The following SUGCT variants were observed in gnomAD, a reference collection of about 807,000 sequenced individuals.
The protein encoded by SUGCT is succinyl-CoA:glutarate CoA-transferase.
SUGCT carries 41 observed loss-of-function variants against 55.0 expected under a neutral mutation model. The ratio of observed to expected loss-of-function variants is 0.74; its 90% CI spans 0.58 to 0.97. SUGCT has a LOEUF of 0.97. SUGCT is among the 50% of genes least tolerant of loss of function. SUGCT has a pLI of 0.00. For missense variants in SUGCT, 568 were observed against 547.8 expected, an observed-to-expected ratio of 1.04 and a Z score of -0.37; for synonymous variants, 187 against 200.4, an observed-to-expected ratio of 0.93 and a Z score of 0.56.
At chr7:40,809,848 C>T (rs1196827568) in intron 13 of SUGCT, among the ~76,000 whole-genome samples, 3 of 152,050 alleles carry the variant, frequency 2.0e-5, no homozygotes, top group Non-Finnish European at 2.9e-5. Flanking sequence ...ATGTTTGGCT[C>T]CCACTTATTT....
chr7:40,476,355 A>T (rs973680733), intron 11 of SUGCT, among the ~76,000 whole-genome samples: 1 of 152,166 alleles, frequency 6.6e-6, no homozygotes, highest in Non-Finnish European at 1.5e-5. Flanking sequence ...CATACTCTCT[A>T]TTAAGCCATG....
At chr7:40,529,574 G>A (rs905371533) in intron 12 of SUGCT, among the ~76,000 whole-genome samples, 4 of 152,218 alleles carry the variant, frequency 2.6e-5, no homozygotes, top group African/African-American at 9.6e-5. Flanking sequence ...TTCAGCAAAA[G>A]CCCTGAGAAC....
chr7:40,725,145 A>AT lies in SUGCT; in HGVS notation c.1090-24289_1090-24288insT, dbSNP rs202086084. 8.9e-3 allele frequency among the ~76,000 whole-genome samples: 1,351 copies of AT among 152,228 alleles called. 14 individuals carry two copies. The highest frequency in any genetic ancestry group is 0.031 in the African/African-American group (1,271 of 41,532). On this transcript the variant is annotated intron_variant, in intron 12 of 13. Transcript: ENST00000335693. ...ACTTAACACATATGGTAGTGTTCTC[A>AT]AGCGGTTATAGAATGTAGAATTTTG...
chr7:40,282,386 T>C (rs1754755112), intron 8 of SUGCT, among the ~76,000 whole-genome samples: 1 of 152,002 alleles, frequency 6.6e-6, no homozygotes, highest in South Asian at 2.1e-4. Context: ...AAGAATCGCT[T>C]GAACCCGGGA....
intron 12 of SUGCT, among the ~76,000 whole-genome samples, chr7:40,595,216 TCC>T (rs1309603870): frequency 6.6e-6 from 1 of 152,196 alleles, no homozygotes; most frequent in Non-Finnish European, 1.5e-5. Flanking sequence ...GCCCCCCACT[TCC>T]TCGGCAGAAG....
the SUGCT span, among the ~76,000 whole-genome samples, chr7:41,004,640 A>C: frequency 6.6e-6 from 1 of 152,220 alleles, no homozygotes; most frequent in Non-Finnish European, 1.5e-5. Flanking sequence ...CAGGCTATGG[A>C]AGACAAGAGC....
chr7:40,765,053 G>A (rs771198444), intron 13 of SUGCT, among the ~76,000 whole-genome samples: 2 of 152,156 alleles, frequency 1.3e-5, no homozygotes, highest in Non-Finnish European at 2.9e-5. Context: ...CTCAGAATGT[G>A]TAAGTGACAG....
intron 7 of SUGCT, among the ~76,000 whole-genome samples, chr7:40,257,462 T>C (rs778225637): frequency 6.6e-5 from 10 of 152,144 alleles, no homozygotes; most frequent in African/African-American, 1.4e-4. Context: ...ATCAACAAAC[T>C]GAAAACATTT....
chr7:40,953,887 T>C, the SUGCT span, among the ~76,000 whole-genome samples: 1 of 152,238 alleles, frequency 6.6e-6, no homozygotes, highest in Non-Finnish European at 1.5e-5. Context: ...CCAGTTAGGC[T>C]ACTCGGGGGT....
the SUGCT span, among the ~76,000 whole-genome samples, chr7:40,904,764 A>G: frequency 5.3e-5 from 8 of 152,124 alleles, no homozygotes; most frequent in African/African-American, 1.9e-4. Flanking sequence ...GAGGATGGAG[A>G]TTTAGGTTTA....
chr7:40,411,002 A>G (rs888391889), intron 9 of SUGCT, among the ~76,000 whole-genome samples: 1 of 152,152 alleles, frequency 6.6e-6, no homozygotes, highest in African/African-American at 2.4e-5. Flanking sequence ...ATTTTTATTC[A>G]TCTTGGTAAT....
chr7:40,983,645 A>G, the SUGCT span, among the ~76,000 whole-genome samples: 1 of 152,176 alleles, frequency 6.6e-6, no homozygotes. Context: ...GTTTGTGTAT[A>G]TAATTGCTTC....
At chr7:40,264,435 G>A (rs564897239) in intron 7 of SUGCT, among the ~76,000 whole-genome samples, 3 of 152,234 alleles carry the variant, frequency 2.0e-5, no homozygotes, top group South Asian at 4.1e-4. Context: ...TCAATTAGTG[G>A]TTCAAGTAGA....
intron 13 of SUGCT, among the ~76,000 whole-genome samples, chr7:40,858,732 G>C (rs2128808171): frequency 6.6e-6 from 1 of 152,220 alleles, no homozygotes; most frequent in Admixed American, 6.5e-5. Flanking sequence ...TTACTGAAAA[G>C]GGACAAACCC....
chr7:40,483,582 A>G (rs1490110822), intron 11 of SUGCT, among the ~76,000 whole-genome samples: 1 of 152,164 alleles, frequency 6.6e-6, no homozygotes, highest in Non-Finnish European at 1.5e-5. Flanking sequence ...GAAAAAGGTA[A>G]TTAAAAGAGA....
chr7:40,403,062 A>G (rs949409961), intron 9 of SUGCT, among the ~76,000 whole-genome samples: 12 of 152,086 alleles, frequency 7.9e-5, no homozygotes, highest in African/African-American at 2.9e-4. Context: ...TTCGTTTTAA[A>G]CTGTACCCTT....
intron 8 of SUGCT, among the ~76,000 whole-genome samples, chr7:40,292,911 T>TATCCCC (rs947509211): frequency 5.3e-5 from 8 of 152,132 alleles, no homozygotes; most frequent in Admixed American, 2.6e-4. Flanking sequence ...ATTTTCTAAC[T>TATCCCC]ATCCCCAAGC....
At chr7:40,436,441 G>T (rs1293039439) in intron 9 of SUGCT, among the ~76,000 whole-genome samples, 1 of 152,158 alleles carries the variant, frequency 6.6e-6, no homozygotes, top group East Asian at 1.9e-4. Context: ...GAACAGATAT[G>T]CTTGGGAAAC....
intron 9 of SUGCT, among the ~76,000 whole-genome samples, chr7:40,404,108 A>T (rs1351918593): frequency 6.6e-6 from 1 of 152,204 alleles, no homozygotes; most frequent in Non-Finnish European, 1.5e-5. Flanking sequence ...TCACTTAGGA[A>T]TGGAAGGAGA....
Sources: gnomAD v4.1 joint callset for allele counts (sites outside exome capture counted in the v4.1 genomes callset) on GRCh38, gnomAD v4.1.1 for gene constraint, MANE v1.5 for transcripts, NCBI Gene and HGNC (gene_info 2026-07-23, HGNC 2026-07-21) for gene names.